Variants in RNF157 observed in about 807,000 individuals in gnomAD.
RNF157 encodes the protein E3 ubiquitin ligase RNF157.
RNF157 carries 55 observed loss-of-function variants against 88.3 expected under a neutral mutation model. That is an observed-to-expected ratio of 0.62 (90% CI 0.50 to 0.78). The LOEUF is 0.78. Among genes scored for constraint, RNF157 ranks in the 30% least tolerant of loss-of-function variants. The probability of loss-of-function intolerance (pLI) is 0.00; values close to 1 mark genes in which losing one functional copy is unlikely to be tolerated. For synonymous variants in RNF157, 334 were observed against 341.2 expected, an observed-to-expected ratio of 0.98 and a Z score of 0.23; for missense variants, 788 against 860.8, an observed-to-expected ratio of 0.92 and a Z score of 1.06.
intron 2 of RNF157, among the ~76,000 whole-genome samples, chr17:76,192,136 A>C (rs552823178): frequency 1.3e-5 from 2 of 152,290 alleles, no homozygotes; most frequent in African/African-American, 4.8e-5. Flanking sequence ...TGGTTTCAAT[A>C]TGTTTCAAAG....
intron 2 of RNF157, among the ~76,000 whole-genome samples, chr17:76,178,240 C>T (rs1235978261): frequency 6.6e-6 from 1 of 152,258 alleles, no homozygotes; most frequent in Non-Finnish European, 1.5e-5. Flanking sequence ...CTATGACTTC[C>T]TCTTTGTGGC....
chr17:76,238,084 T>A (rs531714346), intron 1 of RNF157, among the ~76,000 whole-genome samples: 5 of 126,940 alleles, frequency 3.9e-5, no homozygotes, highest in Admixed American at 8.1e-5. Context: ...AGACGATGAC[T>A]CAAAAAAAAA....
chr17:76,172,113 G>A (rs1409806872), intron 3 of RNF157, among the ~76,000 whole-genome samples: 1 of 152,164 alleles, frequency 6.6e-6, no homozygotes, highest in African/African-American at 2.4e-5. Context: ...GTTGACCCTG[G>A]GGTGGAGAGA....
At chr17:76,182,451 C>CTGTGTATG (rs2069204661) in intron 2 of RNF157, among the ~76,000 whole-genome samples, 3 of 144,120 alleles carry the variant, frequency 2.1e-5, no homozygotes, top group Admixed American at 2.1e-4. Context: ...CGCATTTAGT[C>CTGTGTATG]TGTGTGTGTG....
At chr17:76,219,461 TAATA>T (rs2034880190) in intron 1 of RNF157, among the ~76,000 whole-genome samples, 1 of 151,936 alleles carries the variant, frequency 6.6e-6, no homozygotes, top group African/African-American at 2.4e-5. Flanking sequence ...ACATATTAAT[TAATA>T]TTTTTAAAAC....
rs1320372757 is a variant in RNF157 at position 76,159,459 on chromosome 17, G to C, written c.1180C>G (p.Leu394Val). 2 of 1,611,986 alleles carry C rather than the reference G, an allele frequency of 1.2e-6. No individual in the cohort carries two copies. Among genetic ancestry groups the C allele is most frequent in the Non-Finnish European group, 1.7e-6 (2 of 1,179,280 alleles). Residue 394 changes from leucine (L) to valine (V), a missense_variant, in exon 12 of 19, where the codon CTC becomes GTC. Coordinates refer to ENST00000269391, the MANE Select transcript of RNF157 (RefSeq NM_052916.3). ...PPLHVLGDGH[L>V]SGMLPSYGSD... The stretch of plus-strand genomic sequence containing the variant: ...CCATATGAAGGGAGCATTCCTGAGA[G>C]GTGGCCATCTCCAAGCACGTGAAGT...
At chr17:76,204,807 C>G (rs2069650985) in intron 2 of RNF157, among the ~76,000 whole-genome samples, 1 of 145,658 alleles carries the variant, frequency 6.9e-6, no homozygotes, top group Non-Finnish European at 1.5e-5. Flanking sequence ...GAGACTGAGT[C>G]TCACTCTCAC....
chr17:76,182,451 C>CTGTGTGTGTGTGTGTGTGTGTG, intron 2 of RNF157, among the ~76,000 whole-genome samples: 1 of 144,120 alleles, frequency 6.9e-6, no homozygotes, highest in Middle Eastern at 3.5e-3. Flanking sequence ...CGCATTTAGT[C>CTGTGTGTGTGTGTGTGTGTGTG]TGTGTGTGTG....
At chr17:76,168,750 G>A (rs1416106197) in intron 3 of RNF157, among the ~76,000 whole-genome samples, 2 of 152,132 alleles carry the variant, frequency 1.3e-5, no homozygotes, top group South Asian at 2.1e-4. Context: ...TATCGGTGGA[G>A]CACGTGTCCT....
intron 3 of RNF157, among the ~76,000 whole-genome samples, chr17:76,171,241 T>C (rs12949000): frequency 0.31 from 46,084 of 151,080 alleles, 8,007 homozygotes; most frequent in African/African-American, 0.48. Flanking sequence ...CAGAGTGGAG[T>C]GCAGTGGTAC....
intron 8 of RNF157, chr17:76,163,196 T>TTTC (rs1343734495): frequency 2.0e-5 from 3 of 149,576 alleles, no homozygotes; most frequent in African/African-American, 7.5e-5. Context: ...TTTCCTTTTT[T>TTTC]TTTTTTTTTT....
At chr17:76,203,121 G>C (rs1198232130) in intron 2 of RNF157, among the ~76,000 whole-genome samples, 3 of 152,054 alleles carry the variant, frequency 2.0e-5, no homozygotes, top group African/African-American at 7.2e-5. Flanking sequence ...CTCCCAAGCG[G>C]CTGGGATTAC....
At chr17:76,167,621 G>C in intron 4 of RNF157, 30 bp downstream of exon 4, 1 of 1,613,658 alleles carries the variant, frequency 6.2e-7, no homozygotes, top group Non-Finnish European at 8.5e-7. Context: ...ATCTGGGAAG[G>C]AAGTGGCTCT....
chr17:76,165,867 G>A (rs1246432297), intron 6 of RNF157, among the ~76,000 whole-genome samples: 1 of 151,950 alleles, frequency 6.6e-6, no homozygotes, highest in Non-Finnish European at 1.5e-5. Context: ...TAGTAGAGAC[G>A]GGGTTTCACT....
intron 16 of RNF157, 87 bp from the exon 17 acceptor site, chr17:76,154,415 G>C (rs1389852246): frequency 8.1e-6 from 7 of 866,136 alleles, no homozygotes; most frequent in Non-Finnish European, 1.2e-5. Context: ...CATCCTACTG[G>C]TATCTAACTC....
chr17:76,149,493 T>C (rs1269730897), intron 18 of RNF157, among the ~76,000 whole-genome samples: 2 of 152,100 alleles, frequency 1.3e-5, no homozygotes, highest in African/African-American at 4.8e-5. Flanking sequence ...GATAGAAAGC[T>C]GAACTTACAG....
Position 76,146,561 on chromosome 17 carries a change from GGGCCTCCCCAGCCGTGTCTCCCAGT to G in RNF157, c.1922-1233_1922-1209del, listed in dbSNP as rs2068588353. 2.0e-6 allele frequency: 2 copies of G among 985,442 alleles called. No individual in the cohort carries two copies. Among genetic ancestry groups the G allele is most frequent in the East Asian group, 1.1e-4 (1 of 8,810 alleles). The allele number at this position is 985,442 out of a possible 1,614,324, so 61.0% of individuals were successfully genotyped here. ...AGGCATGTCGTCCTCCGGACCCTGT[GGGCCTCCCCAGCCGTGTCTCCCAGT>G]GGCCTCCCCTCACGAGGCATCTCTG... On this transcript the variant is annotated intron_variant, in intron 18 of 18. Coordinates refer to ENST00000269391, the MANE Select transcript of RNF157 (RefSeq NM_052916.3). This position sits in a 1 kb window ranked among gnomAD's most constrained non-coding sequence, Gnocchi z 4.2.
At chr17:76,217,893 A>G (rs1213062560) in intron 1 of RNF157, among the ~76,000 whole-genome samples, 1 of 152,246 alleles carries the variant, frequency 6.6e-6, no homozygotes, top group Non-Finnish European at 1.5e-5. Context: ...TATCTCCAAG[A>G]TTATACGTAA....
chr17:76,175,835 T>C (rs1399623795), intron 2 of RNF157: 5 of 970,348 alleles, frequency 5.2e-6, no homozygotes. Context: ...GAGAGAAAAA[T>C]AAAAAGAAAG....
Sources: gnomAD v4.1 joint callset for allele counts (sites outside exome capture counted in the v4.1 genomes callset) on GRCh38, gnomAD v4.1.1 for gene constraint, Gnocchi (gnomAD v3.1) non-coding constraint, MANE v1.5 for transcripts, NCBI Gene and HGNC (gene_info 2026-07-23, HGNC 2026-07-21) for gene names.